Variants in UGGT2 observed in about 807,000 individuals in gnomAD.
UGGT2 encodes the protein UDP-glucose:glycoprotein glucosyltransferase 2.
In UGGT2, 180 loss-of-function variants were observed where a neutral mutation model predicts 192.1. The observed-to-expected ratio is 0.94, with a 90% CI of 0.83 to 1.06. The LOEUF is 1.06. Among genes scored for constraint, UGGT2 ranks in the 50% least tolerant of loss-of-function variants. UGGT2 has a pLI of 0.00. For synonymous variants in UGGT2, 580 were observed against 591.0 expected (o/e 0.98, Z 0.27); for missense variants, 1,849 against 1,795.7 (o/e 1.03, Z -0.54).
chr13:95,808,420 T>C (rs1224911671), intron 38 of UGGT2, among the ~76,000 whole-genome samples: 4 of 152,208 alleles, frequency 2.6e-5, no homozygotes, highest in African/African-American at 4.8e-5. Flanking sequence ...CATTTTTTTT[T>C]CTACAAACAG....
intron 27 of UGGT2, among the ~76,000 whole-genome samples, chr13:95,882,541 A>G (rs2140186798): frequency 6.6e-6 from 1 of 152,332 alleles, no homozygotes; most frequent in East Asian, 1.9e-4. Flanking sequence ...TGTATAGCAC[A>G]CAATGAAAAA....
At chr13:95,826,343 T>C (rs1264426268) in intron 38 of UGGT2, among the ~76,000 whole-genome samples, 3 of 152,086 alleles carry the variant, frequency 2.0e-5, no homozygotes, top group Admixed American at 2.0e-4. Flanking sequence ...CCGTATTAGA[T>C]GTATAAGTCA....
At chr13:96,005,649 A>G (rs1227124192) in intron 5 of UGGT2, among the ~76,000 whole-genome samples, 2 of 152,232 alleles carry the variant, frequency 1.3e-5, no homozygotes, top group African/African-American at 4.8e-5. Flanking sequence ...GCCAGGCCCA[A>G]CATTCTGAGA....
chr13:95,803,335 A>T (rs1451724666), intron 38 of UGGT2, among the ~76,000 whole-genome samples: 1 of 151,584 alleles, frequency 6.6e-6, no homozygotes, highest in Non-Finnish European at 1.5e-5. Flanking sequence ...ATCTCAGCTC[A>T]CCGCAACCTC....
chr13:96,011,486 C>T (rs2052160388), intron 5 of UGGT2, among the ~76,000 whole-genome samples: 1 of 151,914 alleles, frequency 6.6e-6, no homozygotes, highest in African/African-American at 2.4e-5. Flanking sequence ...CCACTGTGTA[C>T]CTAGAACAGC....
chr13:96,036,698 C>T (rs2053013332), intron 1 of UGGT2, among the ~76,000 whole-genome samples: 1 of 152,186 alleles, frequency 6.6e-6, no homozygotes, highest in Non-Finnish European at 1.5e-5. Flanking sequence ...GAGCAAACAT[C>T]CTTGAGACCA....
intron 2 of UGGT2, among the ~76,000 whole-genome samples, chr13:96,031,296 AAAG>A (rs925841886): frequency 2.0e-5 from 3 of 152,138 alleles, no homozygotes; most frequent in African/African-American, 4.8e-5. Flanking sequence ...ATCTAGGTAA[AAAG>A]AAAACTATCT....
chr13:95,856,827 T>G (rs1381733917), intron 33 of UGGT2: 1 of 213,636 alleles, frequency 4.7e-6, no homozygotes, highest in Non-Finnish European at 9.5e-6. Flanking sequence ...GTTTGAGATA[T>G]ATCATTATTT....
At chr13:95,814,016 G>C (rs376232114) in intron 38 of UGGT2, among the ~76,000 whole-genome samples, 55 of 152,346 alleles carry the variant, frequency 3.6e-4, no homozygotes, top group African/African-American at 1.1e-3. Context: ...GGCAGCCATC[G>C]TCTAGATTTC....
At chr13:95,890,305 G>T (rs1594244408) in intron 25 of UGGT2, among the ~76,000 whole-genome samples, 1 of 152,122 alleles carries the variant, frequency 6.6e-6, no homozygotes, top group East Asian at 1.9e-4. Context: ...AAACACCACA[G>T]ATGGAGTGGT....
At chr13:95,954,405 G>T (rs2050154772) in intron 12 of UGGT2, among the ~76,000 whole-genome samples, 1 of 152,078 alleles carries the variant, frequency 6.6e-6, no homozygotes, top group Non-Finnish European at 1.5e-5. Flanking sequence ...CCTTCCTTTT[G>T]GAATTCAGAC....
At chr13:96,018,093 A>T (rs2052393988) in intron 4 of UGGT2, among the ~76,000 whole-genome samples, 1 of 152,226 alleles carries the variant, frequency 6.6e-6, no homozygotes, top group African/African-American at 2.4e-5. Flanking sequence ...GTCAACTACC[A>T]CTTAGAACAA....
intron 20 of UGGT2, among the ~76,000 whole-genome samples, chr13:95,923,368 CTTT>C (rs67003679): frequency 1.0e-4 from 12 of 119,642 alleles, no homozygotes; most frequent in Admixed American, 9.0e-5. Flanking sequence ...TCAGCATATT[CTTT>C]TTTTTTTTTT....
At chr13:95,999,151 T>C (rs1312680735) in intron 6 of UGGT2, 60 bp downstream of exon 6, 21 of 1,415,482 alleles carry the variant, frequency 1.5e-5, no homozygotes, top group Non-Finnish European at 1.7e-5. Context: ...TTTAAAAAAC[T>C]AAAGTATGTA....
rs774345575 is a variant in UGGT2, at chr13:95,832,914, G to T, written c.4528+13C>A. ...ACGCATGTTTCAGACATCACAACAC[G>T]TTGATGACTTACTTGTATCTTGCTT... On this transcript the variant is annotated intron_variant, in intron 38 of 38. Transcript: ENST00000376747. 6.2e-7 allele frequency: 1 copy of T among 1,611,140 alleles called. No individual in the cohort carries two copies. Among genetic ancestry groups the T allele is most frequent in the Non-Finnish European group, 8.5e-7 (1 of 1,178,182 alleles).
At chr13:95,934,331 A>C (rs2049389264) in intron 17 of UGGT2, among the ~76,000 whole-genome samples, 1 of 152,202 alleles carries the variant, frequency 6.6e-6, no homozygotes, top group Non-Finnish European at 1.5e-5. Flanking sequence ...AAAAGAATAA[A>C]TATTCTGTGG....
chr13:95,833,108 G>A (rs202086657), intron 37 of UGGT2, 55 bp from the exon 38 acceptor site: 5 of 1,584,736 alleles, frequency 3.2e-6, no homozygotes, highest in Admixed American at 1.8e-5. Flanking sequence ...GAAACATAAG[G>A]ACAATGCTGT....
intron 36 of UGGT2, among the ~76,000 whole-genome samples, chr13:95,839,166 C>T (rs1042942003): frequency 6.6e-6 from 1 of 152,096 alleles, no homozygotes; most frequent in African/African-American, 2.4e-5. Flanking sequence ...CACTACCCCC[C>T]ATGCCGACTG....
intron 4 of UGGT2, among the ~76,000 whole-genome samples, chr13:96,015,170 C>T (rs546176887): frequency 4.0e-5 from 6 of 150,944 alleles, no homozygotes; most frequent in South Asian, 2.1e-4. Flanking sequence ...CCCAGCTACT[C>T]GGGAGGCTGA....
Sources: gnomAD v4.1 joint callset for allele counts (sites outside exome capture counted in the v4.1 genomes callset) on GRCh38, gnomAD v4.1.1 for gene constraint, MANE v1.5 for transcripts, NCBI Gene and HGNC (gene_info 2026-07-23, HGNC 2026-07-21) for gene names.